The following FARP1 variants were observed in gnomAD, a reference collection of about 807,000 sequenced individuals.
FARP1 encodes the protein FERM, ARH/RhoGEF and pleckstrin domain protein 1, also known as FERM, ARHGEF and pleckstrin domain-containing protein 1.
In FARP1, 52 loss-of-function variants were observed where a neutral mutation model predicts 128.8. The observed-to-expected ratio is 0.40, with a 90% CI of 0.32 to 0.51. FARP1 has a LOEUF of 0.51. Among genes scored for constraint, FARP1 ranks in the 20% least tolerant of loss-of-function variants. FARP1 has a pLI of 0.45. For synonymous variants in FARP1, 580 were observed against 551.8 expected, an observed-to-expected ratio of 1.05 and a Z score of -0.72; for missense variants, 1,333 against 1,367.9, an observed-to-expected ratio of 0.97 and a Z score of 0.40.
chr13:98,160,969 C>T (rs1594213255), intron 1 of FARP1, among the ~76,000 whole-genome samples: 1 of 152,052 alleles, frequency 6.6e-6, no homozygotes. Flanking sequence ...TGAGCCACCG[C>T]GCCTGGCTTA....
intron 16 of FARP1, among the ~76,000 whole-genome samples, chr13:98,413,457 C>T (rs147493278): frequency 3.3e-5 from 5 of 152,190 alleles, no homozygotes; most frequent in East Asian, 1.9e-4. Context: ...GCCAGGAGTT[C>T]GAGAGCAGCC....
At chr13:98,248,615 G>A (rs1883180916) in intron 2 of FARP1, among the ~76,000 whole-genome samples, 1 of 152,114 alleles carries the variant, frequency 6.6e-6, no homozygotes, top group Non-Finnish European at 1.5e-5. Flanking sequence ...CCTAAAATTT[G>A]TAGTCCCCAA....
chr13:98,151,274 T>G (rs535266480), intron 1 of FARP1, among the ~76,000 whole-genome samples: 19 of 152,320 alleles, frequency 1.2e-4, no homozygotes, highest in African/African-American at 4.6e-4. Context: ...CACAGGTATG[T>G]AAGTACAGGA....
chr13:98,216,319 A>G (rs1337966868), intron 2 of FARP1, among the ~76,000 whole-genome samples: 2 of 152,156 alleles, frequency 1.3e-5, no homozygotes, highest in Non-Finnish European at 2.9e-5. Context: ...GAAGGTGACT[A>G]CAGGGTTGTG....
chr13:98,197,930 C>T (rs192853491), intron 1 of FARP1, among the ~76,000 whole-genome samples: 4 of 152,206 alleles, frequency 2.6e-5, no homozygotes, highest in Admixed American at 2.0e-4. Context: ...CCACCGCGCC[C>T]GGCCAAAAGT....
intron 2 of FARP1, among the ~76,000 whole-genome samples, chr13:98,342,756 G>T (rs986289426): frequency 6.6e-6 from 1 of 151,902 alleles, no homozygotes; most frequent in African/African-American, 2.4e-5. Context: ...AGGGCACAGT[G>T]GCTCATGCCT....
At chr13:98,228,736 T>A (rs536680603) in intron 2 of FARP1, among the ~76,000 whole-genome samples, 30 of 151,980 alleles carry the variant, frequency 2.0e-4, no homozygotes, top group Admixed American at 1.8e-3. Context: ...ACTTACGGGA[T>A]CTTCTGCAGA....
chr13:98,202,570 T>C (rs931798960), intron 1 of FARP1, among the ~76,000 whole-genome samples: 3 of 152,180 alleles, frequency 2.0e-5, no homozygotes, highest in African/African-American at 7.2e-5. Context: ...CCCGGCTTGA[T>C]TGAAAGTAGT....
At chr13:98,244,790 T>A (rs932056034) in intron 2 of FARP1, 67 of 1,569,854 alleles carry the variant, frequency 4.3e-5, no homozygotes, top group Non-Finnish European at 5.3e-5. Flanking sequence ...AAAGGTGACA[T>A]TAACACATTT....
At chr13:98,198,788 G>A (rs1010171984) in intron 1 of FARP1, among the ~76,000 whole-genome samples, 1 of 149,076 alleles carries the variant, frequency 6.7e-6, no homozygotes, top group Non-Finnish European at 1.5e-5. Context: ...CAAGGCATGA[G>A]AATTGCTTGA....
At chr13:98,408,579 T>C (rs1249116854) in intron 13 of FARP1, among the ~76,000 whole-genome samples, 1 of 152,188 alleles carries the variant, frequency 6.6e-6, no homozygotes, top group Non-Finnish European at 1.5e-5. Context: ...TCCGCCTGCC[T>C]CGGCCTCCCA....
chr13:98,350,927 A>G (rs1433992348), intron 3 of FARP1, among the ~76,000 whole-genome samples: 2 of 152,020 alleles, frequency 1.3e-5, no homozygotes, highest in East Asian at 1.9e-4. Context: ...ACCAGAGCCA[A>G]CCACACCCCA....
At chr13:98,181,131 A>G (rs1173215702) in intron 1 of FARP1, among the ~76,000 whole-genome samples, 1 of 152,016 alleles carries the variant, frequency 6.6e-6, no homozygotes, top group South Asian at 2.1e-4. Flanking sequence ...CCAGACATGC[A>G]TGAGTATGGC....
chr13:98,426,617 C>G (rs1171835518), intron 17 of FARP1, among the ~76,000 whole-genome samples: 1 of 152,220 alleles, frequency 6.6e-6, no homozygotes, highest in East Asian at 1.9e-4. Flanking sequence ...TCTCTCTTAA[C>G]AAAGACCACG....
intron 3 of FARP1, among the ~76,000 whole-genome samples, chr13:98,348,911 G>C (rs1410838890): frequency 3.9e-5 from 6 of 152,262 alleles, no homozygotes; most frequent in African/African-American, 1.4e-4. Flanking sequence ...GAGAAGTAAC[G>C]TGCCCAGTCC....
intron 26 of FARP1, chr13:98,447,969 C>T (rs1892959671): frequency 2.0e-6 from 1 of 501,412 alleles, no homozygotes; most frequent in South Asian, 2.7e-5. Context: ...CCAGAGGCCA[C>T]CTCGCTCCTA....
At chr13:98,317,464 C>T (rs779713267) in intron 2 of FARP1, among the ~76,000 whole-genome samples, 15 of 152,134 alleles carry the variant, frequency 9.9e-5, no homozygotes, top group Non-Finnish European at 1.3e-4. Flanking sequence ...TGTTTTGAAC[C>T]GGAGGCATTG....
chr13:98,257,667 G>A (rs7986648), intron 2 of FARP1, among the ~76,000 whole-genome samples: 7,648 of 152,240 alleles, frequency 0.05, 310 homozygotes, highest in African/African-American at 0.11. Context: ...CTACTTGGGA[G>A]GCTGAGGCAG....
chr13:98,288,053 G>T (rs1440860916), intron 2 of FARP1, among the ~76,000 whole-genome samples: 6 of 152,118 alleles, frequency 3.9e-5, no homozygotes, highest in Non-Finnish European at 8.8e-5. Flanking sequence ...GCCCACGTCG[G>T]CCTCCCAAAG....
Sources: allele counts gnomAD v4.1 joint callset (sites outside exome capture counted in the v4.1 genomes callset), GRCh38; gene constraint gnomAD v4.1.1; transcripts MANE v1.5; gene names NCBI Gene and HGNC (gene_info 2026-07-23, HGNC 2026-07-21).